The following KLHDC4 variants were observed in gnomAD, a reference collection of about 807,000 sequenced individuals.
KLHDC4 encodes kelch domain containing 4.
In KLHDC4, 90 loss-of-function variants were observed where a neutral mutation model predicts 62.4. That is an observed-to-expected ratio of 1.44 (90% confidence interval 1.22 to 1.72). KLHDC4 has a LOEUF of 1.72. Among genes scored for constraint, KLHDC4 ranks in the 40% most tolerant of loss-of-function variants. KLHDC4 has a pLI of 0.00. For missense variants in KLHDC4, 1,025 were observed against 699.7 expected, an observed-to-expected ratio of 1.47 and a Z score of -5.25; for synonymous variants, 386 against 284.4, an observed-to-expected ratio of 1.36 and a Z score of -3.59.
At chr16:87,762,739 G>A (rs972468409) in intron 1 of KLHDC4, among the ~76,000 whole-genome samples, 35 of 152,168 alleles carry the variant, frequency 2.3e-4, no homozygotes, top group African/African-American at 8.4e-4. Context: ...AGCACAGAGG[G>A]CAGCACTGGA....
intron 7 of KLHDC4, among the ~76,000 whole-genome samples, chr16:87,718,338 TCTCCTCCCCCTC>T (rs1358508577): frequency 4.4e-4 from 4 of 9,072 alleles, no homozygotes; most frequent in Admixed American, 2.8e-3. Flanking sequence ...TCCCTCCCCC[TCTCCTCCCCCTC>T]CCCCTCCCTC....
At chr16:87,709,219 T>TG in intron 10 of KLHDC4, 46 bp downstream of exon 10, 1 of 1,576,154 alleles carries the variant, frequency 6.3e-7, no homozygotes, top group Non-Finnish European at 8.6e-7. Context: ...CACACGACCG[T>TG]GGGCTCTCGC....
chr16:87,754,222 T>C (rs1486580656), intron 4 of KLHDC4, among the ~76,000 whole-genome samples: 1 of 152,070 alleles, frequency 6.6e-6, no homozygotes, highest in Non-Finnish European at 1.5e-5. Context: ...GAGGGGTGCC[T>C]GTAATCCCAG....
At chr16:87,763,687 TAAAC>T (rs895021229) in intron 1 of KLHDC4, 3 of 152,250 alleles carry the variant, frequency 2.0e-5, no homozygotes, top group Admixed American at 6.5e-5. Context: ...TCAACGAGGT[TAAAC>T]AAACAGTTCA....
intron 8 of KLHDC4, among the ~76,000 whole-genome samples, chr16:87,711,979 G>A (rs1158332451): frequency 1.2e-4 from 17 of 138,596 alleles, no homozygotes; most frequent in South Asian, 4.4e-4. Flanking sequence ...CTTCGCCCAG[G>A]GGGCTGAATG....
intron 5 of KLHDC4, among the ~76,000 whole-genome samples, chr16:87,742,699 T>A (rs572913316): frequency 6.6e-6 from 1 of 152,260 alleles, no homozygotes; most frequent in African/African-American, 2.4e-5. Context: ...AGCAGTCTCC[T>A]GGGCTCCCTA....
chr16:87,764,455 G>A (rs985899301), intron 1 of KLHDC4, among the ~76,000 whole-genome samples: 1 of 151,924 alleles, frequency 6.6e-6, no homozygotes, highest in Non-Finnish European at 1.5e-5. Flanking sequence ...TCCCAGACCA[G>A]CCTGACCAAA....
At chr16:87,756,525 A>G in intron 2 of KLHDC4, 48 bp from the exon 3 acceptor site, 1 of 1,362,356 alleles carries the variant, frequency 7.3e-7, no homozygotes, top group African/African-American at 1.4e-5. Context: ...CCCGATACCC[A>G]CCTGAGCGCT....
In KLHDC4 at chr16:87,755,280, T is replaced by C. The variant is rs1315669615; in HGVS notation, c.283A>G (p.Asn95Asp). 7 of 1,596,704 alleles carry C rather than the reference T, an allele frequency of 4.4e-6. No homozygotes were observed. Among genetic ancestry groups the C allele is most frequent in the Non-Finnish European group, 5.2e-6 (6 of 1,164,858 alleles). Residue 95 changes from asparagine to aspartate, a missense_variant, in exon 4 of 12, where the codon AAC becomes GAC. Coordinates refer to ENST00000270583, the MANE Select transcript of KLHDC4 (RefSeq NM_017566.4). ...YFNGQKTFLY[N>D]ELYVYNTRKD... ...CTGGTATTGTAGACATAGAGCTCGT[T>C]ATACAAAAAAGTCTACAGGAAGGAA...
At chr16:87,729,484 G>A (rs2039960202) in intron 6 of KLHDC4, 1 of 152,296 alleles carries the variant, frequency 6.6e-6, no homozygotes, top group Non-Finnish European at 1.5e-5. Flanking sequence ...CAGGGTTGCA[G>A]AGTCTGCGAC....
At chr16:87,712,972 C>G (rs1281215621) in intron 8 of KLHDC4, among the ~76,000 whole-genome samples, 7 of 152,248 alleles carry the variant, frequency 4.6e-5, no homozygotes, top group Non-Finnish European at 1.0e-4. Context: ...CACCCTTGAT[C>G]TGTGCCTCCT....
At chr16:87,749,042 G>C (rs2043483685) in intron 4 of KLHDC4, among the ~76,000 whole-genome samples, 1 of 150,686 alleles carries the variant, frequency 6.6e-6, no homozygotes, top group Non-Finnish European at 1.5e-5. Context: ...GTATCCCTAG[G>C]TTGCAAGATA....
In KLHDC4 at chr16:87,748,708, G is replaced by A. The variant is rs201808597; in HGVS notation, c.471C>T (p.Val157=). ...EQFYHYKDLW[V]LHLATKTWEQ... is the part of the protein sequence containing the mutation. Reference sequence around the variant, plus strand: ...CCCAGGTCTTGGTGGCCAAATGCAGGACCCAGAGATCCTTGTAGTGGTAGA... The same window carrying A: ...CCCAGGTCTTGGTGGCCAAATGCAGAACCCAGAGATCCTTGTAGTGGTAGA... The change falls in exon 5 of 12, where the codon GTC becomes GTT. Residue 157 remains valine (V), a synonymous_variant. Coordinates refer to ENST00000270583, the MANE Select transcript of KLHDC4 (RefSeq NM_017566.4). 3 of 1,613,560 alleles carry A rather than the reference G, an allele frequency of 1.9e-6. No homozygotes were observed. The highest frequency in any genetic ancestry group is 1.7e-5 in the Admixed American group (1 of 59,934).
In KLHDC4 at chr16:87,722,140, G is replaced by A. The variant is rs146085007; in HGVS notation, c.759+4625C>T. The stretch of plus-strand genomic sequence containing the variant: ...ACACGTGAATGCTGCTGGGTCTGCT[G>A]TCCCACACGCTGCATCTCTTTCGTT... On this transcript the variant is annotated intron_variant, in intron 7 of 11. Transcript: ENST00000270583. 1.9e-3 allele frequency among the ~76,000 whole-genome samples: 289 copies of A among 152,330 alleles called. 1 individual carries two copies. The highest frequency in any genetic ancestry group is 0.015 in the East Asian group (76 of 5,184).
At chr16:87,724,949 A>G (rs1203431799) in intron 7 of KLHDC4, among the ~76,000 whole-genome samples, 1 of 152,252 alleles carries the variant, frequency 6.6e-6, no homozygotes, top group Non-Finnish European at 1.5e-5. Context: ...GAACGGAAAC[A>G]GCCCAGGTGT....
intron 7 of KLHDC4, among the ~76,000 whole-genome samples, chr16:87,722,110 C>CT (rs928171212): frequency 2.8e-4 from 42 of 152,318 alleles, no homozygotes; most frequent in African/African-American, 9.6e-4. Context: ...AGGACTGAGT[C>CT]TTTGACACGT....
At chr16:87,715,415 C>T (rs1197997434) in intron 7 of KLHDC4, among the ~76,000 whole-genome samples, 13 of 152,116 alleles carry the variant, frequency 8.5e-5, no homozygotes, top group Admixed American at 7.2e-4. Flanking sequence ...GGCACTGACC[C>T]GTTACCGGGA....
In KLHDC4 at chr16:87,714,485, A is replaced by G; in HGVS notation, c.835+13T>C. On this transcript the variant is annotated intron_variant, in intron 8 of 11. Coordinates refer to ENST00000270583, the MANE Select transcript of KLHDC4 (RefSeq NM_017566.4). ...ACCAGCCAGCTCCCGCCCTGGAGGC[A>G]CAGCACCTCTACCTTCTCTTCCGTC... 1.2e-6 allele frequency: 2 copies of G among 1,613,922 alleles called. No individual in the cohort carries two copies. The highest frequency in any genetic ancestry group is 8.5e-7 in the Non-Finnish European group (1 of 1,179,906).
intron 7 of KLHDC4, among the ~76,000 whole-genome samples, chr16:87,724,319 G>A (rs958318568): frequency 6.6e-6 from 1 of 152,170 alleles, no homozygotes. Context: ...AGCTAAACAA[G>A]GTCTTCCTGT....
Sources: allele counts gnomAD v4.1 joint callset (sites outside exome capture counted in the v4.1 genomes callset), GRCh38; gene constraint gnomAD v4.1.1; transcripts MANE v1.5; gene names NCBI Gene and HGNC (gene_info 2026-07-23, HGNC 2026-07-21).